The following KCNIP4 variants were observed in gnomAD, a reference collection of about 807,000 sequenced individuals.
KCNIP4 encodes the protein potassium voltage-gated channel interacting protein 4.
A neutral mutation model predicts 34.0 loss-of-function variants in KCNIP4; 12 were observed. That is an observed-to-expected ratio of 0.35 (90% confidence interval 0.23 to 0.57). The LOEUF (loss-of-function observed/expected upper bound fraction) is 0.57, where lower values mean the gene tolerates loss of function less well. Ranked by LOEUF, KCNIP4 falls within the 20% of genes least tolerant of loss-of-function variation. The pLI, the probability that KCNIP4 is intolerant of heterozygous loss-of-function variation, is 0.83. For synonymous variants in KCNIP4, 124 were observed against 102.2 expected, an observed-to-expected ratio of 1.21 and a Z score of -1.29; for missense variants, 238 against 311.7, an observed-to-expected ratio of 0.76 and a Z score of 1.78.
intron 1 of KCNIP4, among the ~76,000 whole-genome samples, chr4:21,202,444 A>T (rs1209661468): frequency 6.6e-6 from 1 of 152,194 alleles, no homozygotes; most frequent in Non-Finnish European, 1.5e-5. Context: ...AGAGGCATGG[A>T]GCAGGACGGG....
intron 1 of KCNIP4, among the ~76,000 whole-genome samples, chr4:21,833,603 C>A (rs1267854395): frequency 2.6e-5 from 4 of 152,154 alleles, no homozygotes; most frequent in Admixed American, 2.6e-4. Context: ...TAATTAGATC[C>A]CATTTGTCAA....
intron 1 of KCNIP4, among the ~76,000 whole-genome samples, chr4:21,332,296 T>G (rs1315666819): frequency 6.7e-6 from 1 of 149,600 alleles, no homozygotes; most frequent in Non-Finnish European, 1.5e-5. Flanking sequence ...GGATTCTGAT[T>G]TTTTTTTATT....
intron 1 of KCNIP4, among the ~76,000 whole-genome samples, chr4:21,058,841 C>T (rs1004378666): frequency 7.9e-5 from 12 of 152,014 alleles, no homozygotes; most frequent in African/African-American, 2.9e-4. Context: ...TGGTAGGAAC[C>T]CCTGATTCTT....
At chr4:21,591,319 A>AATTGTG (rs1742201415) in intron 1 of KCNIP4, among the ~76,000 whole-genome samples, 1 of 152,108 alleles carries the variant, frequency 6.6e-6, no homozygotes, top group Admixed American at 6.6e-5. Context: ...TGTAAAGAAA[A>AATTGTG]ATTGTGAAAT....
chr4:21,305,656 C>G (rs1048367566), intron 1 of KCNIP4, among the ~76,000 whole-genome samples: 1 of 152,210 alleles, frequency 6.6e-6, no homozygotes, highest in African/African-American at 2.4e-5. Context: ...TCCGGTACCT[C>G]CTTGAGGATT....
chr4:20,895,948 C>T (rs1726468800), intron 1 of KCNIP4, among the ~76,000 whole-genome samples: 1 of 152,184 alleles, frequency 6.6e-6, no homozygotes, highest in Non-Finnish European at 1.5e-5. Flanking sequence ...ATATTGCAAG[C>T]TGATTCCTGG....
At chr4:21,035,163 T>C (rs1004705613) in intron 1 of KCNIP4, among the ~76,000 whole-genome samples, 2 of 152,202 alleles carry the variant, frequency 1.3e-5, no homozygotes, top group South Asian at 4.1e-4. Context: ...TCATTTCTGA[T>C]CTAAATTGCT....
At chr4:21,159,042 G>A (rs981356059) in intron 1 of KCNIP4, among the ~76,000 whole-genome samples, 6 of 152,076 alleles carry the variant, frequency 3.9e-5, no homozygotes, top group Non-Finnish European at 7.4e-5. Flanking sequence ...TTGATTTACA[G>A]AGTCAATAAA....
At chr4:21,590,926 A>G (rs1057415624) in intron 1 of KCNIP4, among the ~76,000 whole-genome samples, 3 of 152,156 alleles carry the variant, frequency 2.0e-5, no homozygotes, top group South Asian at 4.1e-4. Flanking sequence ...AATCTGCTGA[A>G]TATTTCTCAG....
At chr4:20,944,913 T>C (rs369589706) in intron 1 of KCNIP4, among the ~76,000 whole-genome samples, 7 of 152,340 alleles carry the variant, frequency 4.6e-5, no homozygotes, top group African/African-American at 1.7e-4. Flanking sequence ...TAGATCTCCA[T>C]GAACCAGTTC....
chr4:21,286,839 A>G (rs182921627), intron 1 of KCNIP4, among the ~76,000 whole-genome samples: 1 of 152,310 alleles, frequency 6.6e-6, no homozygotes, highest in Admixed American at 6.5e-5. Context: ...GGTAAAATCC[A>G]GACCTTTTGG....
At chr4:20,927,192 T>C (rs1003450638) in intron 1 of KCNIP4, among the ~76,000 whole-genome samples, 3 of 152,180 alleles carry the variant, frequency 2.0e-5, no homozygotes, top group African/African-American at 4.8e-5. Context: ...TTGGCCAGGC[T>C]GGTCTTGAAC....
At chr4:21,757,163 G>T (rs371169071) in intron 1 of KCNIP4, among the ~76,000 whole-genome samples, 6,494 of 52,976 alleles carry the variant, frequency 0.12, 594 homozygotes, top group Middle Eastern at 0.25. Flanking sequence ...AAGAAAGAAA[G>T]AAAGAAGGAA....
intron 1 of KCNIP4, among the ~76,000 whole-genome samples, chr4:21,770,488 G>A (rs906831779): frequency 6.6e-6 from 1 of 152,022 alleles, no homozygotes; most frequent in Non-Finnish European, 1.5e-5. Context: ...TGATTGCTGG[G>A]TCAAATGGTA....
chr4:21,230,515 A>G lies in KCNIP4; in HGVS notation c.62-347806T>C, dbSNP rs575726776. ...CTCTGCCTCTCCCTAATCCCCTGAC[A>G]GGAGAGTCAGGGGAGTGGGGGAAGG... On this transcript the variant is annotated intron_variant, in intron 1 of 8. Coordinates refer to ENST00000382152, the MANE Select transcript of KCNIP4 (RefSeq NM_025221.6). 4.6e-5 allele frequency among the ~76,000 whole-genome samples: 7 copies of G among 152,148 alleles called. No individual in the cohort carries two copies. The East Asian group carries it at 7.8e-4, about 17-fold the overall frequency.
At chr4:20,825,430 T>C (rs1311157085) in intron 3 of KCNIP4, among the ~76,000 whole-genome samples, 1 of 151,984 alleles carries the variant, frequency 6.6e-6, no homozygotes, top group Non-Finnish European at 1.5e-5. Context: ...TCATAGAACT[T>C]GATGGCTGAT....
intron 1 of KCNIP4, among the ~76,000 whole-genome samples, chr4:21,866,755 A>G (rs753895689): frequency 2.8e-5 from 4 of 143,884 alleles, no homozygotes; most frequent in Non-Finnish European, 6.0e-5. Context: ...TCCATAGTTC[A>G]GCCTGGATTT....
chr4:20,783,127 C>T (rs1757008607), intron 3 of KCNIP4, among the ~76,000 whole-genome samples: 1 of 152,178 alleles, frequency 6.6e-6, no homozygotes, highest in Non-Finnish European at 1.5e-5. Context: ...TCTGAGAACA[C>T]CTCAGACTGG....
At chr4:21,284,945 A>G (rs945335833) in intron 1 of KCNIP4, among the ~76,000 whole-genome samples, 1 of 152,096 alleles carries the variant, frequency 6.6e-6, no homozygotes, top group African/African-American at 2.4e-5. Context: ...AATCGCATAT[A>G]TAGTAAGGGG....
Sources: gnomAD v4.1 joint callset for allele counts (sites outside exome capture counted in the v4.1 genomes callset) on GRCh38, gnomAD v4.1.1 for gene constraint, MANE v1.5 for transcripts, NCBI Gene and HGNC (gene_info 2026-07-23, HGNC 2026-07-21) for gene names.